Variants in RBMS3 observed in about 807,000 individuals in gnomAD.
RBMS3 encodes RNA-binding motif, single-stranded-interacting protein 3.
RBMS3 carries 27 observed loss-of-function variants against 66.8 expected under a neutral mutation model. The ratio of observed to expected loss-of-function variants is 0.40; its 90% confidence interval spans 0.30 to 0.56. The LOEUF (loss-of-function observed/expected upper bound fraction) is 0.56, where lower values mean the gene tolerates loss of function less well. Ranked by LOEUF, RBMS3 falls within the 20% of genes least tolerant of loss-of-function variation. The pLI, the probability that RBMS3 is intolerant of heterozygous loss-of-function variation, is 0.40. For missense variants in RBMS3, 513 were observed against 549.5 expected, an observed-to-expected ratio of 0.93 and a Z score of 0.66; for synonymous variants, 188 against 183.0, an observed-to-expected ratio of 1.03 and a Z score of -0.22.
chr3:29,850,052 C>T (rs1169807725), intron 6 of RBMS3, among the ~76,000 whole-genome samples: 1 of 152,188 alleles, frequency 6.6e-6, no homozygotes, highest in African/African-American at 2.4e-5. Flanking sequence ...AGAACTGGGA[C>T]AGACTGGCAA....
intron 8 of RBMS3, among the ~76,000 whole-genome samples, 195 bp from the exon 9 acceptor site, chr3:29,897,184 A>G (rs1214991041): frequency 6.6e-6 from 1 of 151,588 alleles, no homozygotes; most frequent in Non-Finnish European, 1.5e-5. Context: ...AGATGACTCC[A>G]AGTCATTTCA....
intron 4 of RBMS3, among the ~76,000 whole-genome samples, chr3:29,708,861 G>A (rs1455888884): frequency 6.6e-6 from 1 of 152,200 alleles, no homozygotes; most frequent in Non-Finnish European, 1.5e-5. Context: ...CTACTGGGAA[G>A]GCTATTGACA....
At chr3:29,862,699 C>A (rs66596178) in intron 6 of RBMS3, among the ~76,000 whole-genome samples, 21,068 of 151,644 alleles carry the variant, frequency 0.14, 1,520 homozygotes, top group African/African-American at 0.18. Flanking sequence ...GTGAAATTAG[C>A]TAAGTGTGGC....
At chr3:29,684,563 T>G (rs1041620921) in intron 4 of RBMS3, among the ~76,000 whole-genome samples, 1 of 152,182 alleles carries the variant, frequency 6.6e-6, no homozygotes, top group Non-Finnish European at 1.5e-5. Flanking sequence ...AATGAATAGT[T>G]TTTTTCCCTG....
chr3:29,922,508 A>G (rs1038589917), intron 10 of RBMS3, among the ~76,000 whole-genome samples: 9 of 142,638 alleles, frequency 6.3e-5, no homozygotes, highest in Non-Finnish European at 9.2e-5. Flanking sequence ...AAAAAAAAAA[A>G]AAAAAAGAAA....
At chr3:29,865,361 C>A (rs1266365464) in intron 6 of RBMS3, among the ~76,000 whole-genome samples, 1 of 152,028 alleles carries the variant, frequency 6.6e-6, no homozygotes, top group Non-Finnish European at 1.5e-5. Flanking sequence ...AACCCTGCTT[C>A]AAAGAGTAGA....
chr3:29,657,218 C>G (rs545931648), intron 4 of RBMS3, among the ~76,000 whole-genome samples: 16 of 152,182 alleles, frequency 1.1e-4, no homozygotes, highest in Non-Finnish European at 1.8e-4. Flanking sequence ...TTTGCCCTCC[C>G]ATTTTATAAT....
At chr3:29,829,335 G>A (rs1236932697) in intron 6 of RBMS3, among the ~76,000 whole-genome samples, 1 of 152,086 alleles carries the variant, frequency 6.6e-6, no homozygotes, top group African/African-American at 2.4e-5. Flanking sequence ...GTGAGCCACC[G>A]CACCCAGCAA....
intron 4 of RBMS3, among the ~76,000 whole-genome samples, chr3:29,658,181 A>G (rs1432728642): frequency 2.0e-5 from 3 of 152,240 alleles, no homozygotes; most frequent in African/African-American, 7.2e-5. Flanking sequence ...TAATAAAATG[A>G]TGTTTGTGAA....
intron 2 of RBMS3, among the ~76,000 whole-genome samples, chr3:29,451,012 C>A (rs987952847): frequency 6.6e-6 from 1 of 151,994 alleles, no homozygotes; most frequent in Non-Finnish European, 1.5e-5. Context: ...AAGGTAGGCA[C>A]GGTATTGTCT....
chr3:29,474,226 T>C (rs2042869064), intron 2 of RBMS3, among the ~76,000 whole-genome samples: 1 of 152,276 alleles, frequency 6.6e-6, no homozygotes, highest in Non-Finnish European at 1.5e-5. Context: ...CCGCATTGTT[T>C]GAGGATTCAC....
At chr3:29,549,399 T>G (rs2046102788) in intron 3 of RBMS3, among the ~76,000 whole-genome samples, 1 of 107,330 alleles carries the variant, frequency 9.3e-6, no homozygotes, top group Non-Finnish European at 1.9e-5. Flanking sequence ...TTGGATTGAT[T>G]TTTTTTTTTT....
chr3:29,983,055 G>A (rs539540325), intron 12 of RBMS3, among the ~76,000 whole-genome samples: 10 of 152,068 alleles, frequency 6.6e-5, no homozygotes, highest in Non-Finnish European at 1.5e-4. Flanking sequence ...TCTCTTTGTA[G>A]GTCTCTAAGA....
intron 1 of RBMS3, among the ~76,000 whole-genome samples, chr3:29,385,184 A>C (rs1325824975): frequency 1.3e-5 from 2 of 152,158 alleles, no homozygotes; most frequent in Non-Finnish European, 2.9e-5. Flanking sequence ...GAGAAAAATT[A>C]ACCAGTTTGT....
intron 3 of RBMS3, among the ~76,000 whole-genome samples, chr3:29,561,076 C>A (rs1254639713): frequency 2.0e-5 from 3 of 151,378 alleles, no homozygotes; most frequent in Non-Finnish European, 4.4e-5. Flanking sequence ...GATCTCATTG[C>A]TTTTTATGGC....
intron 14 of RBMS3, among the ~76,000 whole-genome samples, chr3:30,003,430 T>C (rs1699699818): frequency 6.6e-6 from 1 of 151,954 alleles, no homozygotes; most frequent in Non-Finnish European, 1.5e-5. Flanking sequence ...GCCTCTTAAC[T>C]GTCTCACTTA....
chr3:29,688,698 T>A (rs989272437), intron 4 of RBMS3, among the ~76,000 whole-genome samples: 1 of 146,796 alleles, frequency 6.8e-6, no homozygotes, highest in Non-Finnish European at 1.5e-5. Flanking sequence ...TTCTCTCACA[T>A]CAGCCTCCTA....
intron 4 of RBMS3, among the ~76,000 whole-genome samples, chr3:29,726,835 G>T (rs952139937): frequency 2.6e-5 from 4 of 152,108 alleles, no homozygotes; most frequent in African/African-American, 9.7e-5. Context: ...AGCTACGATT[G>T]ACTTTCTTTG....
chr3:29,788,202 ATTT>A (rs34037007), intron 6 of RBMS3, among the ~76,000 whole-genome samples: 1 of 134,990 alleles, frequency 7.4e-6, no homozygotes. Context: ...TTTGGAGTTC[ATTT>A]TTTTTTTTTT....
Sources: allele counts gnomAD v4.1 joint callset (sites outside exome capture counted in the v4.1 genomes callset), GRCh38; gene constraint gnomAD v4.1.1; transcripts MANE v1.5; gene names NCBI Gene and HGNC (gene_info 2026-07-23, HGNC 2026-07-21).